GPC5: variants seen among roughly 807,000 people sequenced by gnomAD.
GPC5 encodes the protein glypican-5.
Under a neutral mutation model 53.9 loss-of-function variants are expected in GPC5, and 47 were observed. That is an observed-to-expected ratio of 0.87 (90% CI 0.69 to 1.11). GPC5 has a LOEUF of 1.11. GPC5 is among the 50% of genes most tolerant of loss of function. GPC5 has a pLI of 0.00. For synonymous variants in GPC5, 286 were observed against 263.3 expected (o/e 1.09, Z -0.84); for missense variants, 748 against 713.1 (o/e 1.05, Z -0.56).
chr13:91,752,639 C>T (rs191958485), intron 4 of GPC5, among the ~76,000 whole-genome samples: 4 of 152,272 alleles, frequency 2.6e-5, no homozygotes, highest in Non-Finnish European at 4.4e-5. Flanking sequence ...TCGTTCTTTT[C>T]ACTTTCAGCT....
chr13:92,805,875 T>C (rs1226800198), intron 7 of GPC5, among the ~76,000 whole-genome samples: 1 of 152,062 alleles, frequency 6.6e-6, no homozygotes, highest in Non-Finnish European at 1.5e-5. Context: ...TTAGCATAAT[T>C]GTTAAGGGCC....
intron 6 of GPC5, among the ~76,000 whole-genome samples, chr13:92,141,321 T>G (rs140371459): frequency 1.3e-5 from 2 of 152,278 alleles, no homozygotes; most frequent in East Asian, 3.9e-4. Context: ...TACTGGGGAC[T>G]GAGAATCACG....
chr13:92,012,989 T>C (rs930263795), intron 6 of GPC5, among the ~76,000 whole-genome samples: 1 of 151,978 alleles, frequency 6.6e-6, no homozygotes, highest in African/African-American at 2.4e-5. Context: ...CCAGACCAGG[T>C]TGTGGGGGCC....
At chr13:91,795,353 C>T (rs1306149291) in intron 5 of GPC5, among the ~76,000 whole-genome samples, 2 of 152,232 alleles carry the variant, frequency 1.3e-5, no homozygotes, top group East Asian at 3.9e-4. Flanking sequence ...TCATTGAAAG[C>T]AACAATTCCC....
At chr13:92,864,735 C>T (rs1329868381) in intron 7 of GPC5, among the ~76,000 whole-genome samples, 1 of 152,002 alleles carries the variant, frequency 6.6e-6, no homozygotes, top group Non-Finnish European at 1.5e-5. Flanking sequence ...AAGGGCAAAA[C>T]AAGCACCCAA....
intron 7 of GPC5, among the ~76,000 whole-genome samples, chr13:92,493,916 TAATC>T (rs1879860875): frequency 6.6e-6 from 1 of 152,222 alleles, no homozygotes; most frequent in Non-Finnish European, 1.5e-5. Context: ...ACTATGAACT[TAATC>T]AATGTTCATG....
intron 7 of GPC5, among the ~76,000 whole-genome samples, chr13:92,148,928 A>G (rs992807916): frequency 3.9e-5 from 6 of 152,098 alleles, no homozygotes; most frequent in African/African-American, 1.4e-4. Context: ...TTCTACATAT[A>G]ATTTTGAAAA....
At chr13:92,139,664 C>T (rs1423002320) in intron 6 of GPC5, among the ~76,000 whole-genome samples, 3 of 6,354 alleles carry the variant, frequency 4.7e-4, no homozygotes, top group Non-Finnish European at 3.4e-4. Context: ...GAGATTCCGT[C>T]TCAAAAAAAA....
intron 6 of GPC5, among the ~76,000 whole-genome samples, chr13:91,945,533 T>C (rs75232451): frequency 0.024 from 3,726 of 152,316 alleles, 147 homozygotes; most frequent in African/African-American, 0.085. Flanking sequence ...ATTCTTATAG[T>C]ATTTTTACAT....
At chr13:92,757,271 T>C (rs1283667177) in intron 7 of GPC5, among the ~76,000 whole-genome samples, 2 of 152,204 alleles carry the variant, frequency 1.3e-5, no homozygotes, top group East Asian at 3.8e-4. Context: ...GAAAACTGGC[T>C]AGCCATATGT....
At chr13:92,205,401 C>A (rs2042326512) in intron 7 of GPC5, among the ~76,000 whole-genome samples, 1 of 152,132 alleles carries the variant, frequency 6.6e-6, no homozygotes. Flanking sequence ...GTCACATGGG[C>A]TGAGGGGCTC....
At chr13:92,332,876 C>T (rs375398500) in intron 7 of GPC5, among the ~76,000 whole-genome samples, 7 of 152,218 alleles carry the variant, frequency 4.6e-5, no homozygotes, top group East Asian at 3.9e-4. Flanking sequence ...TTCTGGTTTC[C>T]AGTTCTACTT....
At chr13:91,770,217 A>C (rs2037596868) in intron 5 of GPC5, among the ~76,000 whole-genome samples, 1 of 152,194 alleles carries the variant, frequency 6.6e-6, no homozygotes. Flanking sequence ...TGGAGCTTGC[A>C]GGTCCTCTCT....
intron 7 of GPC5, among the ~76,000 whole-genome samples, chr13:92,383,099 A>T (rs1239987107): frequency 6.6e-6 from 1 of 152,118 alleles, no homozygotes. Flanking sequence ...CATTGGCCAT[A>T]AAAAGGACAA....
intron 5 of GPC5, among the ~76,000 whole-genome samples, chr13:91,765,054 TC>T (rs1465112261): frequency 1.3e-5 from 2 of 152,186 alleles, no homozygotes; most frequent in African/African-American, 2.4e-5. Context: ...ATAGAAACCT[TC>T]CCTCTCTTTT....
At chr13:91,842,959 G>C (rs377552263) in intron 5 of GPC5, among the ~76,000 whole-genome samples, 15 of 151,884 alleles carry the variant, frequency 9.9e-5, no homozygotes, top group African/African-American at 2.7e-4. Context: ...TTTTTGTTAC[G>C]AGTCATGTGA....
chr13:92,124,134 TAAAA>T (rs146377177), intron 6 of GPC5, among the ~76,000 whole-genome samples: 1 of 139,138 alleles, frequency 7.2e-6, no homozygotes, highest in Non-Finnish European at 1.6e-5. Context: ...GCTTTTCTTT[TAAAA>T]AAAAAAAGCA....
chr13:92,106,798 C>T (rs2041513939), intron 6 of GPC5, among the ~76,000 whole-genome samples: 1 of 152,020 alleles, frequency 6.6e-6, no homozygotes, highest in South Asian at 2.1e-4. Context: ...TAGTCTCCAA[C>T]TCTGAAGATA....
chr13:92,522,812 T>C (rs929755314), intron 7 of GPC5, among the ~76,000 whole-genome samples: 1 of 152,080 alleles, frequency 6.6e-6, no homozygotes, highest in African/African-American at 2.4e-5. Flanking sequence ...TTCTAACACA[T>C]CTCAACTTAT....
Sources: gnomAD v4.1 joint callset for allele counts (sites outside exome capture counted in the v4.1 genomes callset) on GRCh38, gnomAD v4.1.1 for gene constraint, MANE v1.5 for transcripts, NCBI Gene and HGNC (gene_info 2026-07-23, HGNC 2026-07-21) for gene names.